The following CDC14A variants were observed in gnomAD, a reference collection of about 807,000 sequenced individuals.
CDC14A encodes the protein dual specificity protein phosphatase CDC14A.
In CDC14A, 53 loss-of-function variants were observed where a neutral mutation model predicts 74.4. The observed-to-expected ratio is 0.71, with a 90% CI of 0.57 to 0.89. The LOEUF is 0.89. CDC14A is among the 40% of genes least tolerant of loss of function. The pLI is 0.00. For synonymous variants in CDC14A, 247 were observed against 258.4 expected, an observed-to-expected ratio of 0.96 and a Z score of 0.43; for missense variants, 646 against 713.7, an observed-to-expected ratio of 0.91 and a Z score of 1.08.
intron 11 of CDC14A, among the ~76,000 whole-genome samples, chr1:100,492,541 T>C (rs2101407988): frequency 6.6e-6 from 1 of 152,338 alleles, no homozygotes; most frequent in South Asian, 2.1e-4. Context: ...AATATAACTA[T>C]ATTCGTTAAA....
chr1:100,432,009 T>C (rs561358260), intron 5 of CDC14A, among the ~76,000 whole-genome samples: 1 of 152,292 alleles, frequency 6.6e-6, no homozygotes, highest in African/African-American at 2.4e-5. Context: ...GACTTTAGAA[T>C]TGAATTTTCA....
At chr1:100,378,092 A>G (rs2100950268) in intron 3 of CDC14A, among the ~76,000 whole-genome samples, 1 of 152,312 alleles carries the variant, frequency 6.6e-6, no homozygotes, top group East Asian at 1.9e-4. Context: ...GCCAGGTGAG[A>G]TTGATGAACC....
chr1:100,442,434 C>T (rs996091017), intron 6 of CDC14A, among the ~76,000 whole-genome samples: 5 of 145,970 alleles, frequency 3.4e-5, no homozygotes, highest in African/African-American at 1.3e-4. Flanking sequence ...TATTAAGGAC[C>T]TATTAAGTAG....
chr1:100,513,899 T>G (rs1649984991), intron 15 of CDC14A, among the ~76,000 whole-genome samples: 3 of 152,132 alleles, frequency 2.0e-5, no homozygotes, highest in African/African-American at 7.2e-5. Context: ...AAGCTTATAT[T>G]TTGACATAAA....
At chr1:100,383,868 G>A (rs1656483638) in intron 3 of CDC14A, among the ~76,000 whole-genome samples, 1 of 151,054 alleles carries the variant, frequency 6.6e-6, no homozygotes, top group East Asian at 1.9e-4. Flanking sequence ...TTACTTTTCT[G>A]TGTTTCTTTA....
intron 11 of CDC14A, among the ~76,000 whole-genome samples, chr1:100,489,164 C>T (rs1253369423): frequency 6.6e-6 from 1 of 152,176 alleles, no homozygotes; most frequent in African/African-American, 2.4e-5. Context: ...CCAGCACTTA[C>T]ATCTCATAGG....
At chr1:100,386,248 T>G (rs1557703414) in intron 3 of CDC14A, among the ~76,000 whole-genome samples, 1 of 152,068 alleles carries the variant, frequency 6.6e-6, no homozygotes, top group Non-Finnish European at 1.5e-5. Context: ...GGCTGCAGAT[T>G]GTGATTTGTA....
chr1:100,387,337 G>A (rs919565068), intron 3 of CDC14A, among the ~76,000 whole-genome samples: 2 of 152,046 alleles, frequency 1.3e-5, no homozygotes, highest in Non-Finnish European at 2.9e-5. Context: ...TTGATTCCTC[G>A]AGTGAGAGAA....
intron 6 of CDC14A, among the ~76,000 whole-genome samples, chr1:100,440,718 A>G (rs1664836520): frequency 6.6e-6 from 1 of 152,196 alleles, no homozygotes; most frequent in Non-Finnish European, 1.5e-5. Flanking sequence ...CACATGGACT[A>G]TAAATATATT....
chr1:100,394,159 G>C (rs1658140190), intron 4 of CDC14A: 1 of 165,426 alleles, frequency 6.0e-6, no homozygotes, highest in African/African-American at 2.4e-5. Flanking sequence ...CTGCCCCACA[G>C]GCTGCAGTGC....
At chr1:100,476,104 A>G (rs914953241) in intron 10 of CDC14A, among the ~76,000 whole-genome samples, 2 of 151,980 alleles carry the variant, frequency 1.3e-5, no homozygotes, top group Non-Finnish European at 2.9e-5. Flanking sequence ...CTACTAGGAT[A>G]CCCTTTTCCT....
chr1:100,389,550 G>T (rs911020422), intron 3 of CDC14A, among the ~76,000 whole-genome samples: 4 of 151,970 alleles, frequency 2.6e-5, no homozygotes, highest in African/African-American at 9.6e-5. Context: ...CTCATTGGAG[G>T]GATACACTTT....
chr1:100,504,958 A>G (rs1228615210), intron 15 of CDC14A: 7 of 1,507,504 alleles, frequency 4.6e-6, no homozygotes, highest in Non-Finnish European at 6.2e-6. Context: ...TCCACCCTAT[A>G]ATTAATACTT....
chr1:100,440,128 C>G, intron 6 of CDC14A, 130 bp downstream of exon 6: 1 of 655,254 alleles, frequency 1.5e-6, no homozygotes, highest in Non-Finnish European at 2.6e-6. Flanking sequence ...CTTTTCACTT[C>G]TTGAAGGATG....
intron 3 of CDC14A, among the ~76,000 whole-genome samples, chr1:100,380,408 C>T (rs1488779959): frequency 6.6e-6 from 1 of 152,208 alleles, no homozygotes; most frequent in Non-Finnish European, 1.5e-5. Context: ...TCACTCTTAG[C>T]ATTGCCCCAG....
In CDC14A at chr1:100,458,433, G is replaced by A. The variant is rs114898157; in HGVS notation, c.607+2941G>A. ...TGCATGTATTGTGCCCTGTCATATT[G>A]ACATAAAAAAATCTGAAAGTACATT... On this transcript the variant is annotated intron_variant, in intron 8 of 15. Coordinates refer to ENST00000336454, the MANE Select transcript of CDC14A (RefSeq NM_003672.4). Among the ~76,000 whole-genome samples the A allele has an allele frequency of 3.3e-3, 504 of 152,052 alleles. 3 individuals carry two copies. Among genetic ancestry groups the A allele is most frequent in the African/African-American group, 0.011 (455 of 41,442 alleles).
rs534779712 is a variant in CDC14A at position 100,359,563 on chromosome 1, G to C, written c.140+5711G>C. ...ATGACCAGCTCCTATCTGGGAATGT[G>C]TGGTGGTAATTTAAACATTTTTCTT... On this transcript the variant is annotated intron_variant, in intron 2 of 15. Transcript: ENST00000336454. Among the ~76,000 whole-genome samples the C allele has an allele frequency of 2.0e-4, 31 of 152,348 alleles. No individual in the cohort carries two copies. In the South Asian group the frequency reaches 6.2e-3, roughly 31 times the overall value.
intron 10 of CDC14A, among the ~76,000 whole-genome samples, chr1:100,468,375 A>G (rs1272609575): frequency 6.6e-6 from 1 of 151,844 alleles, no homozygotes; most frequent in Non-Finnish European, 1.5e-5. Flanking sequence ...CTACAGTGCA[A>G]TTTTCTTATG....
chr1:100,370,183 A>G (rs139363988), intron 2 of CDC14A, among the ~76,000 whole-genome samples: 241 of 151,938 alleles, frequency 1.6e-3, no homozygotes, highest in African/African-American at 5.4e-3. Context: ...GGGTTTTGCT[A>G]TGTTGCCCAG....
Sources: gnomAD v4.1 joint callset for allele counts (sites outside exome capture counted in the v4.1 genomes callset) on GRCh38, gnomAD v4.1.1 for gene constraint, MANE v1.5 for transcripts, NCBI Gene and HGNC (gene_info 2026-07-23, HGNC 2026-07-21) for gene names.